Variants in PTPRN2 observed in about 807,000 individuals in gnomAD.
PTPRN2 encodes protein tyrosine phosphatase receptor type N2, also known as receptor-type tyrosine-protein phosphatase N2.
A neutral mutation model predicts 118.8 loss-of-function variants in PTPRN2; 74 were observed. The observed-to-expected ratio is 0.62, with a 90% confidence interval of 0.52 to 0.76. The LOEUF (loss-of-function observed/expected upper bound fraction) is 0.76. PTPRN2 is among the 30% of genes least tolerant of loss of function. The pLI is 0.00. For missense variants in PTPRN2, 1,481 were observed against 1,394.4 expected (o/e 1.06, Z -0.99); for synonymous variants, 641 against 608.0 (o/e 1.05, Z -0.80).
chr7:158,169,041 G>A (rs1823283700), intron 5 of PTPRN2, among the ~76,000 whole-genome samples: 1 of 152,126 alleles, frequency 6.6e-6, no homozygotes, highest in Non-Finnish European at 1.5e-5. Context: ...ACCTCCTTGG[G>A]GCACATGATC....
chr7:158,147,813 C>A (rs1361119886), intron 6 of PTPRN2, among the ~76,000 whole-genome samples: 1 of 82,354 alleles, frequency 1.2e-5, no homozygotes, highest in Non-Finnish European at 2.2e-5. Flanking sequence ...TCACGCCACA[C>A]GTCTTTCCCC....
chr7:157,681,634 G>C (rs915407052), intron 13 of PTPRN2, among the ~76,000 whole-genome samples: 2 of 152,156 alleles, frequency 1.3e-5, no homozygotes, highest in African/African-American at 4.8e-5. Context: ...TTCCTTATGT[G>C]GGGGAGGGTC....
chr7:157,694,931 C>A (rs564205254), intron 12 of PTPRN2, among the ~76,000 whole-genome samples: 105 of 151,984 alleles, frequency 6.9e-4, no homozygotes, highest in South Asian at 1.5e-3. Flanking sequence ...GTACATTATT[C>A]ATATAGAAGT....
At chr7:158,536,187 TG>T (rs1825632502) in intron 1 of PTPRN2, among the ~76,000 whole-genome samples, 1 of 152,102 alleles carries the variant, frequency 6.6e-6, no homozygotes. Flanking sequence ...AGGTCTGAAA[TG>T]CCCTTTAAAT....
intron 12 of PTPRN2, among the ~76,000 whole-genome samples, chr7:157,737,057 A>T (rs897520378): frequency 6.6e-6 from 1 of 152,208 alleles, no homozygotes; most frequent in African/African-American, 2.4e-5. Flanking sequence ...CCAGCAAGAA[A>T]TCACACCAGG....
chr7:158,475,139 C>T (rs987513479), intron 2 of PTPRN2, among the ~76,000 whole-genome samples: 14 of 152,164 alleles, frequency 9.2e-5, no homozygotes, highest in Non-Finnish European at 2.1e-4. Flanking sequence ...CCTGACGCCA[C>T]GGTGGCAGGC....
intron 1 of PTPRN2, among the ~76,000 whole-genome samples, chr7:158,521,913 T>G (rs1208250424): frequency 5.9e-5 from 5 of 84,746 alleles, no homozygotes; most frequent in African/African-American, 2.3e-4. Flanking sequence ...AGGAGGGAGG[T>G]CCACGTCACA....
intron 2 of PTPRN2, among the ~76,000 whole-genome samples, chr7:158,384,649 T>A: frequency 6.6e-6 from 1 of 152,186 alleles, no homozygotes; most frequent in Non-Finnish European, 1.5e-5. Context: ...AGGGTGTTTG[T>A]GGGAGGGAAT....
chr7:158,526,450 T>A lies in PTPRN2; in HGVS notation c.113-36665A>T, dbSNP rs1824789347. ...TTCCCACAAACACAGGGTCTGGAGGTCTCTCCGCTGGTCACGGCCTCGGAA... is the reference window on the plus strand; with the variant it reads ...TTCCCACAAACACAGGGTCTGGAGGACTCTCCGCTGGTCACGGCCTCGGAA... On this transcript the variant is annotated intron_variant, in intron 1 of 22. Coordinates refer to ENST00000389418, the MANE Select transcript of PTPRN2 (RefSeq NM_002847.5). This position sits in a 1 kb window ranked among gnomAD's most constrained non-coding sequence, Gnocchi z 5.2. 6.6e-6 allele frequency among the ~76,000 whole-genome samples: 1 copy of A among 151,858 alleles called. No homozygotes were observed. The highest frequency in any genetic ancestry group is 2.1e-4 in the South Asian group (1 of 4,794).
chr7:158,456,576 G>C (rs1206670441), intron 2 of PTPRN2, among the ~76,000 whole-genome samples: 3 of 152,024 alleles, frequency 2.0e-5, no homozygotes, highest in Non-Finnish European at 4.4e-5. Flanking sequence ...ATCGGCCACG[G>C]CCCCCCATTG....
intron 11 of PTPRN2, among the ~76,000 whole-genome samples, chr7:158,026,664 T>G (rs1442229150): frequency 1.3e-5 from 2 of 152,226 alleles, no homozygotes; most frequent in Non-Finnish European, 1.5e-5. Context: ...TGGGCCTGGC[T>G]GTGGGGAGCA....
At chr7:157,952,108 C>T (rs1048432575) in intron 11 of PTPRN2, among the ~76,000 whole-genome samples, 2 of 152,216 alleles carry the variant, frequency 1.3e-5, no homozygotes, top group African/African-American at 4.8e-5. Context: ...GGAGGCCAGG[C>T]TCACCCAAGA....
Position 157,620,812 on chromosome 7 carries a change from C to T in PTPRN2, c.2344+550G>A, listed in dbSNP as rs140663818. 4.9e-4 allele frequency among the ~76,000 whole-genome samples: 74 copies of T among 152,266 alleles called. 3 individuals carry two copies. The East Asian group carries it at 0.012, about 24-fold the overall frequency. ...CAAGTCTGCTGCAGGCGGGGGGTGC[C>T]GGGAAGGAGAAGCGGAGGGCTTTGC... is the stretch of plus-strand genomic sequence containing the variant. On this transcript the variant is annotated intron_variant, in intron 15 of 22. Transcript: ENST00000389418.
rs1563191267 is a variant in PTPRN2, at chr7:157,869,811, AG to A, written c.1788+28861del. 6.6e-6 allele frequency among the ~76,000 whole-genome samples: 1 copy of A among 152,176 alleles called. No individual in the cohort carries two copies. Among genetic ancestry groups the A allele is most frequent in the Non-Finnish European group, 1.5e-5 (1 of 68,028 alleles). On this transcript the variant is annotated intron_variant, in intron 12 of 22. Transcript: ENST00000389418. The surrounding 1 kb of genome is among the most constrained non-coding windows in gnomAD (Gnocchi z 4.2). ...GCTTTCCCAGGCATTTTTCTGCTAA[AG>A]TTTTTATAACTTTCTCAAAACACCC...
chr7:158,471,571 C>T (rs1002007742), intron 2 of PTPRN2, among the ~76,000 whole-genome samples: 25 of 152,080 alleles, frequency 1.6e-4, no homozygotes, highest in African/African-American at 3.6e-4. Flanking sequence ...GCCTGTAGTC[C>T]CAGCTACTAG....
intron 11 of PTPRN2, among the ~76,000 whole-genome samples, chr7:157,978,681 T>C (rs73520868): frequency 6.6e-6 from 1 of 151,954 alleles, no homozygotes; most frequent in Non-Finnish European, 1.5e-5. Flanking sequence ...CCAGTGATGA[T>C]TCTTTCTGAA....
chr7:157,725,052 C>A (rs1239714911), intron 12 of PTPRN2, among the ~76,000 whole-genome samples: 1 of 152,166 alleles, frequency 6.6e-6, no homozygotes, highest in Non-Finnish European at 1.5e-5. Context: ...CTGCTTTTTC[C>A]CATACTAAAC....
chr7:157,960,035 G>C (rs1429393295), intron 11 of PTPRN2, among the ~76,000 whole-genome samples: 1 of 152,040 alleles, frequency 6.6e-6, no homozygotes, highest in Non-Finnish European at 1.5e-5. Context: ...CTACAACACG[G>C]GTAAACCTTG....
chr7:158,306,147 G>A (rs545652224), intron 3 of PTPRN2, among the ~76,000 whole-genome samples: 2 of 152,236 alleles, frequency 1.3e-5, no homozygotes, highest in African/African-American at 4.8e-5. Flanking sequence ...AAAACATTTA[G>A]AGACAATGTT....
Sources: gnomAD v4.1 joint callset for allele counts (sites outside exome capture counted in the v4.1 genomes callset) on GRCh38, gnomAD v4.1.1 for gene constraint, Gnocchi (gnomAD v3.1) non-coding constraint, MANE v1.5 for transcripts, NCBI Gene and HGNC (gene_info 2026-07-23, HGNC 2026-07-21) for gene names.